Variants in C2orf42 observed in about 807,000 individuals in gnomAD.
C2orf42 encodes the protein uncharacterized protein C2orf42.
C2orf42 carries 44 observed loss-of-function variants against 58.9 expected under a neutral mutation model. The observed-to-expected ratio is 0.75, with a 90% CI of 0.59 to 0.96. The LOEUF is 0.96. C2orf42 is among the 40% of genes least tolerant of loss of function. The probability of loss-of-function intolerance (pLI) is 0.00; values close to 1 mark genes in which losing one functional copy is unlikely to be tolerated. For synonymous variants in C2orf42, 239 were observed against 265.4 expected (o/e 0.90, Z 0.97); for missense variants, 630 against 699.2 (o/e 0.90, Z 1.12).
chr2:70,159,202 T>A, intron 9 of C2orf42, among the ~76,000 whole-genome samples: 1 of 152,076 alleles, frequency 6.6e-6, no homozygotes, highest in East Asian at 1.9e-4. Flanking sequence ...GGAGTATTCC[T>A]TTTAAAAGCT....
intron 5 of C2orf42, among the ~76,000 whole-genome samples, chr2:70,173,986 C>G (rs1674014765): frequency 6.6e-6 from 1 of 152,080 alleles, no homozygotes; most frequent in Non-Finnish European, 1.5e-5. Context: ...ACACCTGCTG[C>G]TAAACATGTC....
chr2:70,165,959 C>T (rs988603295), intron 6 of C2orf42, among the ~76,000 whole-genome samples: 5 of 151,754 alleles, frequency 3.3e-5, no homozygotes, highest in South Asian at 2.1e-4. Context: ...GGCATGATCT[C>T]GGCTCACTGC....
At chr2:70,154,672 A>C (rs1229896087) in intron 9 of C2orf42, among the ~76,000 whole-genome samples, 1 of 152,168 alleles carries the variant, frequency 6.6e-6, no homozygotes, top group Non-Finnish European at 1.5e-5. Flanking sequence ...CATCTGGAAG[A>C]AAATAAAAGG....
rs772871165 is a variant in C2orf42 at position 70,179,569 on chromosome 2, G to A, written c.897C>T (p.Ala299=). Residue 299 remains alanine, a synonymous_variant, in exon 4 of 10, where the codon GCC becomes GCT. Transcript: ENST00000264434. ...CCTTTCTCCTCTTCTTTGACTTAGA[G>A]GCAGTAGACTCACAAGCAGATACTG... is the stretch of plus-strand genomic sequence containing the variant. ...ESTVSACEST[A]SKSKKRRKDE... is the part of the protein sequence containing the mutation. 3 of 1,565,536 alleles carry A rather than the reference G, an allele frequency of 1.9e-6. No homozygotes were observed. Among genetic ancestry groups the A allele is most frequent in the East Asian group, 2.2e-5 (1 of 44,622 alleles).
intron 9 of C2orf42, among the ~76,000 whole-genome samples, chr2:70,151,513 A>G (rs933512801): frequency 6.6e-6 from 1 of 151,868 alleles, no homozygotes; most frequent in Non-Finnish European, 1.5e-5. Flanking sequence ...ATGCTCCTGT[A>G]ATCCCAGTTA....
chr2:70,165,436 A>G, intron 7 of C2orf42, 92 bp downstream of exon 7: 1 of 766,518 alleles, frequency 1.3e-6, no homozygotes, highest in Non-Finnish European at 2.3e-6. Flanking sequence ...CTAACTCTGA[A>G]TACTCACGGT....
chr2:70,154,414 T>TAAAA (rs36028499), intron 9 of C2orf42, among the ~76,000 whole-genome samples: 12 of 25,596 alleles, frequency 4.7e-4, no homozygotes, highest in East Asian at 2.4e-3. Context: ...AAATTTTTAC[T>TAAAA]AAAAAAAAAA....
At chr2:70,185,993 T>TAAA (rs746486291) in intron 1 of C2orf42, among the ~76,000 whole-genome samples, 3 of 99,320 alleles carry the variant, frequency 3.0e-5, no homozygotes, top group Admixed American at 1.1e-4. Flanking sequence ...TCCCTAATTG[T>TAAA]AAAAAAAAAA....
chr2:70,152,437 C>G (rs1672367910), intron 9 of C2orf42, among the ~76,000 whole-genome samples: 1 of 152,144 alleles, frequency 6.6e-6, no homozygotes, highest in Admixed American at 6.5e-5. Flanking sequence ...CTGATGAACA[C>G]TAAGACTACT....
In C2orf42 at chr2:70,150,421, C is replaced by A. The variant is rs1412474463; in HGVS notation, c.1660G>T (p.Asp554Tyr). Residue 554 changes from aspartate to tyrosine, a missense_variant, in exon 10 of 10, where the codon GAC becomes TAC. Asp to Tyr is a radical substitution (Grantham distance 160). Coordinates refer to ENST00000264434, the MANE Select transcript of C2orf42 (RefSeq NM_017880.3). ...GGCTGGTCCAAGGGGGGCCGCTGGT[C>A]TTGGTACTCCGCCACATGCCCATTC... ...HRNGHVAEYQ[D>Y]QRPPLDQPLE... is the part of the protein sequence containing the mutation. 4.3e-6 allele frequency: 7 copies of A among 1,614,042 alleles called. No homozygotes were observed. The highest frequency in any genetic ancestry group is 5.9e-6 in the Non-Finnish European group (7 of 1,180,046).
chr2:70,163,667 T>A (rs1339447603), intron 8 of C2orf42, among the ~76,000 whole-genome samples: 1 of 151,970 alleles, frequency 6.6e-6, no homozygotes, highest in Non-Finnish European at 1.5e-5. Context: ...CTGGCCAACA[T>A]GGCAAAACCC....
intron 8 of C2orf42, among the ~76,000 whole-genome samples, chr2:70,164,054 G>A (rs1220776162): frequency 6.7e-6 from 1 of 149,552 alleles, no homozygotes; most frequent in East Asian, 2.0e-4. Context: ...GCTCATGCCT[G>A]TAATCCCAGC....
intron 5 of C2orf42, among the ~76,000 whole-genome samples, chr2:70,173,869 C>T (rs7601752): frequency 0.17 from 25,197 of 151,938 alleles, 3,595 homozygotes; most frequent in African/African-American, 0.38. Flanking sequence ...GGATTATAGG[C>T]GTGAGCCACC....
rs1672215050 is a variant in C2orf42, at chr2:70,150,146, A to G, written c.*210T>C. On this transcript the variant is annotated 3_prime_UTR_variant, in exon 10 of 10. Coordinates refer to ENST00000264434, the MANE Select transcript of C2orf42 (RefSeq NM_017880.3). ...TCTAGCCAGAAATACTGCCCAATGC[A>G]TAATGAAGACTGTACACAGCAGCAT... The G allele has an allele frequency of 3.6e-5, 21 of 585,154 alleles. No individual in the cohort carries two copies. In the South Asian group the frequency reaches 4.1e-4, roughly 12 times the overall value. The allele number at this position is 585,154 out of a possible 1,614,324, so 36.2% of individuals were successfully genotyped here.
chr2:70,190,546 C>T (rs2103700624), intron 1 of C2orf42: 1 of 152,314 alleles, frequency 6.6e-6, no homozygotes, highest in East Asian at 1.9e-4. Context: ...AACTCACAAA[C>T]GTGGGTTTGT....
At chr2:70,163,343 C>G (rs537830435) in intron 8 of C2orf42, among the ~76,000 whole-genome samples, 107 of 151,880 alleles carry the variant, frequency 7.0e-4, no homozygotes, top group African/African-American at 2.5e-3. Flanking sequence ...CTCCCGGGTT[C>G]ACACCATTCT....
intron 9 of C2orf42, among the ~76,000 whole-genome samples, chr2:70,152,521 A>G (rs958441074): frequency 2.0e-5 from 3 of 152,212 alleles, no homozygotes; most frequent in African/African-American, 7.2e-5. Context: ...TGGCCATAGC[A>G]TATCCCATCT....
chr2:70,160,842 C>T, intron 8 of C2orf42, 55 bp from the exon 9 acceptor site: 2 of 1,151,764 alleles, frequency 1.7e-6, no homozygotes, highest in Non-Finnish European at 2.5e-6. Flanking sequence ...TCAAAACAGA[C>T]CAATACCTGG....
chr2:70,155,072 C>T (rs75603270), intron 9 of C2orf42, among the ~76,000 whole-genome samples: 1 of 151,890 alleles, frequency 6.6e-6, no homozygotes, highest in Non-Finnish European at 1.5e-5. Flanking sequence ...GGTGAAACCC[C>T]GTCTCTACTA....
Sources: gnomAD v4.1 joint callset for allele counts (sites outside exome capture counted in the v4.1 genomes callset) on GRCh38, gnomAD v4.1.1 for gene constraint, MANE v1.5 for transcripts, NCBI Gene and HGNC (gene_info 2026-07-23, HGNC 2026-07-21) for gene names.